Variants in ASRGL1 observed in about 807,000 individuals in gnomAD.
ASRGL1 encodes asparaginase and isoaspartyl peptidase 1, also known as isoaspartyl peptidase/L-asparaginase.
A neutral mutation model predicts 22.4 loss-of-function variants in ASRGL1; 16 were observed. The ratio of observed to expected loss-of-function variants is 0.71; its 90% CI spans 0.48 to 1.08. ASRGL1 has a LOEUF of 1.08. Among genes scored for constraint, ASRGL1 ranks in the 50% least tolerant of loss-of-function variants. ASRGL1 has a pLI of 0.00. For missense variants in ASRGL1, 412 were observed against 410.1 expected (o/e 1.00, Z -0.04); for synonymous variants, 165 against 159.3 (o/e 1.04, Z -0.27).
chr11:62,392,378 A>C lies in ASRGL1; in HGVS notation c.*94A>C. The C allele has an allele frequency of 6.9e-7, 1 of 1,447,620 alleles. No individual in the cohort carries two copies. The highest frequency in any genetic ancestry group is 1.4e-5 in the African/African-American group (1 of 71,090). 89.7% of individuals were successfully genotyped at this position (1,447,620 alleles called of 1,614,324 possible). On this transcript the variant is annotated 3_prime_UTR_variant, in exon 7 of 7. Transcript: ENST00000415229. ...TAATCAATTAGATCTAGAATTGGAA[A>C]AATTGTCCCGTCTGTCACTTGTTTT... is the stretch of plus-strand genomic sequence containing the variant.
chr11:62,367,574 G>A (rs768060929), intron 4 of ASRGL1, among the ~76,000 whole-genome samples: 1 of 151,818 alleles, frequency 6.6e-6, no homozygotes, highest in Non-Finnish European at 1.5e-5. Flanking sequence ...CACCCAGGAG[G>A]TGGAGGTTGC....
At chr11:62,400,673 A>G in the ASRGL1 span, among the ~76,000 whole-genome samples, 1 of 152,010 alleles carries the variant, frequency 6.6e-6, no homozygotes, top group Non-Finnish European at 1.5e-5. Context: ...CATCATTGCC[A>G]TTTTCCAATC....
intron 4 of ASRGL1, among the ~76,000 whole-genome samples, chr11:62,361,829 A>G (rs1946442623): frequency 6.6e-6 from 1 of 152,152 alleles, no homozygotes; most frequent in African/African-American, 2.4e-5. Flanking sequence ...ACTAGAGTGT[A>G]CCGTGGTACT....
At chr11:62,348,529 C>G (rs1256871629) in intron 2 of ASRGL1, among the ~76,000 whole-genome samples, 1 of 151,732 alleles carries the variant, frequency 6.6e-6, no homozygotes, top group Non-Finnish European at 1.5e-5. Context: ...CATGCGAAAC[C>G]CCGTCTCTAC....
chr11:62,352,070 C>T (rs1946180091), intron 2 of ASRGL1, among the ~76,000 whole-genome samples: 1 of 152,166 alleles, frequency 6.6e-6, no homozygotes, highest in African/African-American at 2.4e-5. Context: ...TTTATGTCCC[C>T]CTCAAAATTT....
rs147442110 is a variant in ASRGL1 at position 62,391,538 on chromosome 11, C to T, written c.627C>T (p.Ala209=). Residue 209 remains alanine (A), a synonymous_variant, in exon 6 of 7, where the codon GCC becomes GCT. Transcript: ENST00000415229. ...TTTGAGCAGGAGCTGGAGGTTATGC[C>T]GACAATGACATCGGAGCCGTCTCAA... ...DSPCLGAGGY[A]DNDIGAVSTT... The T allele has an allele frequency of 5.6e-4, 908 of 1,611,570 alleles. 2 individuals carry two copies. Among genetic ancestry groups the T allele is most frequent in the East Asian group, 5.3e-3 (238 of 44,864 alleles).
intron 2 of ASRGL1, among the ~76,000 whole-genome samples, chr11:62,350,680 C>T (rs1946147991): frequency 6.6e-6 from 1 of 152,152 alleles, no homozygotes; most frequent in Non-Finnish European, 1.5e-5. Context: ...CCTATAGTCC[C>T]AGCTACTCAG....
chr11:62,369,646 C>G (rs186735348), intron 4 of ASRGL1, among the ~76,000 whole-genome samples: 1 of 152,222 alleles, frequency 6.6e-6, no homozygotes, highest in African/African-American at 2.4e-5. Context: ...TTTGTGAGAC[C>G]ATCAGGAACT....
chr11:62,401,034 G>A, the ASRGL1 span, among the ~76,000 whole-genome samples: 1 of 152,218 alleles, frequency 6.6e-6, no homozygotes, highest in East Asian at 1.9e-4. Flanking sequence ...GGCCTGGTGA[G>A]CCCCTCGGCC....
chr11:62,363,386 A>G (rs1028309953), intron 4 of ASRGL1, among the ~76,000 whole-genome samples: 4 of 152,290 alleles, frequency 2.6e-5, no homozygotes, highest in African/African-American at 9.6e-5. Flanking sequence ...GATAATCCCT[A>G]AACCAGTTTC....
intron 4 of ASRGL1, among the ~76,000 whole-genome samples, chr11:62,373,385 T>G (rs1946826605): frequency 6.6e-6 from 1 of 152,194 alleles, no homozygotes; most frequent in Non-Finnish European, 1.5e-5. Flanking sequence ...TTTTTCCTCT[T>G]AATGTCGAAT....
rs1054354594 is a variant in ASRGL1 at position 62,393,181 on chromosome 11, C to T, written c.*897C>T. ...GTCCAGTGCTTTGAGATTCTTCCCACCTCCCCATCCTCACCAGCCGGATCG... is the reference window on the plus strand; with the variant it reads ...GTCCAGTGCTTTGAGATTCTTCCCATCTCCCCATCCTCACCAGCCGGATCG... On this transcript the variant is annotated 3_prime_UTR_variant, in exon 7 of 7. Coordinates refer to ENST00000415229, the MANE Select transcript of ASRGL1 (RefSeq NM_001083926.2). The T allele has an allele frequency of 5.9e-5, 9 of 151,926 alleles. No homozygotes were observed. Among genetic ancestry groups the T allele is most frequent in the Admixed American group, 5.9e-4 (9 of 15,276 alleles). 9.4% of individuals were successfully genotyped at this position (151,926 alleles called of 1,614,324 possible). A position where few individuals can be genotyped will look rare whatever the true frequency, so the allele number is the denominator to read the frequency against.
intron 4 of ASRGL1, among the ~76,000 whole-genome samples, chr11:62,362,461 T>TATATATATTATATAAAATATATA (rs1565161736): frequency 9.9e-5 from 10 of 101,234 alleles, no homozygotes; most frequent in Non-Finnish European, 2.0e-4. Context: ...ACCAAAAATA[T>TATATATATTATATAAAATATATA]ATATATATTA....
intron 2 of ASRGL1, among the ~76,000 whole-genome samples, chr11:62,342,422 T>C (rs1945888057): frequency 6.6e-6 from 1 of 152,194 alleles, no homozygotes; most frequent in African/African-American, 2.4e-5. Context: ...AAATTTTGCT[T>C]CTAAGAGAAG....
intron 4 of ASRGL1, chr11:62,372,659 C>G (rs768240734): frequency 6.9e-6 from 7 of 1,018,738 alleles, no homozygotes; most frequent in Admixed American, 1.7e-5. Context: ...AGAAGTGAGT[C>G]TTCTCCTGGG....
the ASRGL1 span, among the ~76,000 whole-genome samples, chr11:62,398,672 C>G: frequency 6.6e-6 from 1 of 152,246 alleles, no homozygotes; most frequent in African/African-American, 2.4e-5. Context: ...GGCCCACTCC[C>G]GCTAGCGGCG....
intron 6 of ASRGL1, chr11:62,391,841 G>C: frequency 1.3e-6 from 1 of 744,016 alleles, no homozygotes; most frequent in Non-Finnish European, 2.1e-6. Context: ...CACATCTCAG[G>C]AGAAGGGGGC....
downstream of ASRGL1, among the ~76,000 whole-genome samples, chr11:62,397,493 C>T (rs183002545): frequency 1.1e-4 from 17 of 151,882 alleles, no homozygotes; most frequent in African/African-American, 3.4e-4. Context: ...GGAGAAACCC[C>T]GTCTCTACTA....
At chr11:62,339,870 A>C (rs1238333250) in intron 2 of ASRGL1, among the ~76,000 whole-genome samples, 2 of 152,220 alleles carry the variant, frequency 1.3e-5, no homozygotes, top group African/African-American at 2.4e-5. Context: ...CCCATCTGTC[A>C]GGGAAAAGAA....
Sources: gnomAD v4.1 joint callset for allele counts (sites outside exome capture counted in the v4.1 genomes callset) on GRCh38, gnomAD v4.1.1 for gene constraint, MANE v1.5 for transcripts, NCBI Gene and HGNC (gene_info 2026-07-23, HGNC 2026-07-21) for gene names.